The following OAT variants were observed in gnomAD, a reference collection of about 807,000 sequenced individuals.
The protein encoded by OAT is ornithine aminotransferase, also known as ornithine aminotransferase, mitochondrial.
Under a neutral mutation model 48.4 loss-of-function variants are expected in OAT, and 35 were observed. That is an observed-to-expected ratio of 0.72 (90% confidence interval 0.55 to 0.96). The LOEUF (loss-of-function observed/expected upper bound fraction) is 0.96, where lower values mean the gene tolerates loss of function less well. Ranked by LOEUF, OAT falls within the 40% of genes least tolerant of loss-of-function variation. The pLI is 0.00. For synonymous variants in OAT, 182 were observed against 198.4 expected (o/e 0.92, Z 0.70); for missense variants, 438 against 537.9 (o/e 0.81, Z 1.84).
intron 2 of OAT, among the ~76,000 whole-genome samples, chr10:124,411,647 C>T (rs912778514): frequency 1.3e-5 from 2 of 152,078 alleles, no homozygotes; most frequent in African/African-American, 2.4e-5. Flanking sequence ...GAAACCCCAT[C>T]TCTACTAAAA....
chr10:124,397,855 G>T lies in OAT; in HGVS notation c.*87C>A. The T allele has an allele frequency of 1.3e-6, 2 of 1,525,090 alleles. No homozygotes were observed. The highest frequency in any genetic ancestry group is 2.3e-5 in the East Asian group (1 of 44,442). 94.5% of individuals were successfully genotyped at this position (1,525,090 alleles called of 1,614,324 possible). On this transcript the variant is annotated 3_prime_UTR_variant, in exon 10 of 10. Coordinates refer to ENST00000368845, the MANE Select transcript of OAT (RefSeq NM_000274.4). ...AAGTTTTTGAAGACTCATGGGAGTG[G>T]AATGTGCCCACATTAGGAATAAAGC...
intron 1 of OAT, chr10:124,414,449 A>C (rs1951854186): frequency 6.6e-6 from 1 of 152,224 alleles, no homozygotes; most frequent in Admixed American, 6.5e-5. Context: ...TAAAATGCAG[A>C]ATTACATGCA....
intron 1 of OAT, among the ~76,000 whole-genome samples, chr10:124,417,130 C>T (rs1004244361): frequency 6.6e-6 from 1 of 151,814 alleles, no homozygotes; most frequent in Non-Finnish European, 1.5e-5. Flanking sequence ...TAAAGGCACG[C>T]TATGGGGATA....
chr10:124,401,914 C>T (rs1303605366), intron 7 of OAT, 75 bp from the exon 8 acceptor site: 4 of 1,099,424 alleles, frequency 3.6e-6, no homozygotes, highest in Admixed American at 1.9e-5. Context: ...CCCAGAGTCT[C>T]GCTGTCACCC....
intron 2 of OAT, among the ~76,000 whole-genome samples, chr10:124,410,912 G>A (rs371756913): frequency 5.4e-4 from 82 of 152,140 alleles, no homozygotes; most frequent in African/African-American, 1.9e-3. Flanking sequence ...GGCTGAGGTG[G>A]GTGGATCACC....
chr10:124,404,186 C>T (rs997099296), intron 5 of OAT, among the ~76,000 whole-genome samples: 1 of 152,096 alleles, frequency 6.6e-6, no homozygotes, highest in Admixed American at 6.5e-5. Context: ...ACTAAAGTCT[C>T]GAACTCCTGG....
At position 124,399,335 on chromosome 10, in the gene OAT, ATTCT is replaced by A. The variant is rs1249210773; in HGVS notation, c.1160-1237_1160-1234del. 1.9e-3 allele frequency among the ~76,000 whole-genome samples: 191 copies of A among 100,356 alleles called. 10 individuals carry two copies. The highest frequency in any genetic ancestry group is 6.3e-3 in the Middle Eastern group (1 of 160). The allele number at this position is 100,356 out of a possible 152,430, so 65.8% of individuals were successfully genotyped here. A position where few individuals can be genotyped will look rare whatever the true frequency, so the allele number is the denominator to read the frequency against. The stretch of plus-strand genomic sequence containing the variant: ...ATTTTTTTAAGAAGCTCCCCAGGTG[ATTCT>A]TTTTTTTTTTTTTTTTTTTTTTTTG... On this transcript the variant is annotated intron_variant, in intron 9 of 9. Coordinates refer to ENST00000368845, the MANE Select transcript of OAT (RefSeq NM_000274.4).
chr10:124,401,610 G>C (rs370491566), intron 8 of OAT, 116 bp downstream of exon 8: 124 of 753,814 alleles, frequency 1.6e-4, no homozygotes, highest in South Asian at 9.1e-4. Flanking sequence ...TATACTTCAT[G>C]TTTTCTAATA....
In OAT at chr10:124,403,311, G is replaced by GC. The variant is rs1400291503; in HGVS notation, c.772-257dup. On this transcript the variant is annotated intron_variant, in intron 6 of 9. Coordinates refer to ENST00000368845, the MANE Select transcript of OAT (RefSeq NM_000274.4). ...GCCCTGCTCTACATAGTGAAAAGGT[G>GC]CTGATGCAAAGGTGAGGGTTTTGTA... 5.4e-6 allele frequency: 3 copies of GC among 552,714 alleles called. No homozygotes were observed. In the African/African-American group the frequency reaches 5.7e-5, roughly 10 times the overall value. The allele number at this position is 552,714 out of a possible 1,614,324, so 34.2% of individuals were successfully genotyped here. A position where few individuals can be genotyped will look rare whatever the true frequency, so the allele number is the denominator to read the frequency against.
rs1273610101 is a variant in OAT at position 124,408,612 on chromosome 10, A to T, written c.450T>A (p.Cys150Ter). Reference sequence around the variant, plus strand: ...TATAGCCCCACTTACGAGCTAGTTTACAGGCAGTCTCTCCAGCCTCCACTC... The same window carrying T: ...TATAGCCCCACTTACGAGCTAGTTTTCAGGCAGTCTCTCCAGCCTCCACTC... ...NTGVEAGETA[C>*]KLARKWGYTV... The change falls in exon 4 of 10, where the codon TGT becomes TGA. Residue 150 changes from cysteine (C) to a stop codon, truncating the protein, a stop_gained. Coordinates refer to ENST00000368845, the MANE Select transcript of OAT (RefSeq NM_000274.4). LOFTEE classifies it high-confidence loss of function. 2.5e-6 allele frequency: 4 copies of T among 1,613,194 alleles called. No homozygotes were observed. The highest frequency in any genetic ancestry group is 3.4e-6 in the Non-Finnish European group (4 of 1,179,830).
intron 1 of OAT, among the ~76,000 whole-genome samples, chr10:124,418,658 A>G: frequency 6.6e-6 from 1 of 151,488 alleles, no homozygotes; most frequent in African/African-American, 2.4e-5. Context: ...CGCCGGCCGG[A>G]GACTCCAGGG....
chr10:124,397,813 A>C lies in OAT; in HGVS notation c.*129T>G. The C allele has an allele frequency of 9.8e-7, 1 of 1,024,136 alleles. No homozygotes were observed. The highest frequency in any genetic ancestry group is 1.5e-6 in the Non-Finnish European group (1 of 675,218). The allele number at this position is 1,024,136 out of a possible 1,614,324, so 63.4% of individuals were successfully genotyped here. Reference sequence around the variant, plus strand: ...TGTTCTATTATGTATCAACTGAAAAAAATATATTCAAAAAAAAAGTTTTTG... The same window carrying C: ...TGTTCTATTATGTATCAACTGAAAACAATATATTCAAAAAAAAAGTTTTTG... On this transcript the variant is annotated 3_prime_UTR_variant, in exon 10 of 10. Coordinates refer to ENST00000368845, the MANE Select transcript of OAT (RefSeq NM_000274.4).
At chr10:124,403,526 G>A (rs1304771068) in intron 6 of OAT, among the ~76,000 whole-genome samples, 1 of 152,240 alleles carries the variant, frequency 6.6e-6, no homozygotes, top group East Asian at 1.9e-4. Flanking sequence ...AGAGCAGCGA[G>A]GAAGGAAACG....
At chr10:124,415,170 A>G (rs567713049) in intron 1 of OAT, 1 of 151,140 alleles carries the variant, frequency 6.6e-6, no homozygotes, top group South Asian at 2.1e-4. Context: ...TTATCTGCAC[A>G]GCTAATTTCC....
chr10:124,413,177 AG>A (rs1951808265), intron 1 of OAT, among the ~76,000 whole-genome samples: 1 of 152,158 alleles, frequency 6.6e-6, no homozygotes, highest in South Asian at 2.1e-4. Flanking sequence ...AAAGGCAAAA[AG>A]ACTAGGAAAA....
At chr10:124,410,760 T>G (rs1364754403) in intron 2 of OAT, among the ~76,000 whole-genome samples, 1 of 152,132 alleles carries the variant, frequency 6.6e-6, no homozygotes, top group Non-Finnish European at 1.5e-5. Flanking sequence ...ATCACACCAC[T>G]GAACTCCAGC....
At chr10:124,413,685 A>AAAAC (rs943472992) in intron 1 of OAT, among the ~76,000 whole-genome samples, 1 of 152,216 alleles carries the variant, frequency 6.6e-6, no homozygotes. Flanking sequence ...TCCGTCTCAA[A>AAAAC]AAACAAACAA....
At chr10:124,405,955 C>G (rs1015311057) in intron 4 of OAT, 4 of 1,120,972 alleles carry the variant, frequency 3.6e-6, no homozygotes, top group Non-Finnish European at 4.4e-6. Context: ...AAAGAATATC[C>G]TTCATAGACA....
intron 1 of OAT, among the ~76,000 whole-genome samples, chr10:124,412,582 G>T (rs1368273535): frequency 1.3e-5 from 2 of 152,060 alleles, no homozygotes; most frequent in African/African-American, 4.8e-5. Context: ...AAGATGGGAG[G>T]ATCGCTTGAG....
Sources: gnomAD v4.1 joint callset for allele counts (sites outside exome capture counted in the v4.1 genomes callset) on GRCh38, gnomAD v4.1.1 for gene constraint, MANE v1.5 for transcripts, NCBI Gene and HGNC (gene_info 2026-07-23, HGNC 2026-07-21) for gene names.